Variants in TECRL observed in about 807,000 individuals in gnomAD.
TECRL encodes the protein trans-2,3-enoyl-CoA reductase like.
Under a neutral mutation model 52.8 loss-of-function variants are expected in TECRL, and 63 were observed. The ratio of observed to expected loss-of-function variants is 1.19; its 90% confidence interval spans 0.97 to 1.47. TECRL has a LOEUF of 1.47. Among genes scored for constraint, TECRL ranks in the 40% most tolerant of loss-of-function variants. The pLI, the probability that TECRL is intolerant of heterozygous loss-of-function variation, is 0.00. For synonymous variants in TECRL, 164 were observed against 141.9 expected, an observed-to-expected ratio of 1.16 and a Z score of -1.10; for missense variants, 482 against 429.6, an observed-to-expected ratio of 1.12 and a Z score of -1.08.
intron 6 of TECRL, among the ~76,000 whole-genome samples, chr4:64,305,480 G>A (rs897101977): frequency 1.3e-5 from 2 of 152,154 alleles, no homozygotes; most frequent in African/African-American, 2.4e-5. Flanking sequence ...CAGGCAGAGA[G>A]GGAGGGTCTC....
At chr4:64,384,529 T>C (rs996493365) in intron 1 of TECRL, among the ~76,000 whole-genome samples, 18 of 152,182 alleles carry the variant, frequency 1.2e-4, no homozygotes, top group Admixed American at 8.5e-4. Flanking sequence ...CACTAGACAA[T>C]GTGTGCAGTC....
At chr4:64,344,316 T>C (rs1462780514) in intron 2 of TECRL, among the ~76,000 whole-genome samples, 1 of 152,082 alleles carries the variant, frequency 6.6e-6, no homozygotes, top group Non-Finnish European at 1.5e-5. Flanking sequence ...TCAAATTTTA[T>C]TGATATATGG....
intron 1 of TECRL, among the ~76,000 whole-genome samples, chr4:64,391,539 G>A (rs191836929): frequency 1.3e-5 from 2 of 151,874 alleles, no homozygotes; most frequent in African/African-American, 4.8e-5. Flanking sequence ...GAATCTTTAC[G>A]TCAACTGTGA....
At chr4:64,323,967 A>C (rs991778236) in intron 3 of TECRL, among the ~76,000 whole-genome samples, 7 of 151,822 alleles carry the variant, frequency 4.6e-5, no homozygotes, top group African/African-American at 1.5e-4. Flanking sequence ...TAGATATTTG[A>C]AAGTCATTAA....
Position 64,277,897 on chromosome 4 carries a change from C to T in TECRL, c.*2175G>A, listed in dbSNP as rs928078149. The T allele has an allele frequency of 2.0e-5, 3 of 151,714 alleles. No individual in the cohort carries two copies. Among genetic ancestry groups the T allele is most frequent in the Non-Finnish European group, 3.0e-5 (2 of 67,756 alleles). 9.4% of individuals were successfully genotyped at this position (151,714 alleles called of 1,614,324 possible). On this transcript the variant is annotated 3_prime_UTR_variant, in exon 12 of 12. Transcript: ENST00000381210. ...GCATGCTCACATAGAAACTCATACA[C>T]ACACACACATGCACATAGGCTTTCA... is the stretch of plus-strand genomic sequence containing the variant.
chr4:64,320,809 A>T (rs1342127908), intron 4 of TECRL, among the ~76,000 whole-genome samples: 1 of 152,092 alleles, frequency 6.6e-6, no homozygotes, highest in African/African-American at 2.4e-5. Flanking sequence ...TAGACATCAC[A>T]TTTAAGTACA....
chr4:64,327,528 T>C (rs768503934), intron 3 of TECRL, among the ~76,000 whole-genome samples: 1 of 152,088 alleles, frequency 6.6e-6, no homozygotes, highest in Admixed American at 6.6e-5. Flanking sequence ...AAGGCAAAAG[T>C]AGATGAGACA....
chr4:64,372,486 G>C (rs1201285451), intron 2 of TECRL, among the ~76,000 whole-genome samples: 1 of 151,704 alleles, frequency 6.6e-6, no homozygotes, highest in African/African-American at 2.4e-5. Flanking sequence ...GGCATTACTA[G>C]AGTAAACTAA....
intron 1 of TECRL, among the ~76,000 whole-genome samples, chr4:64,408,753 T>G (rs1724897865): frequency 2.0e-5 from 3 of 152,122 alleles, no homozygotes; most frequent in Admixed American, 2.0e-4. Flanking sequence ...TATGATAATT[T>G]GTATATACAA....
At chr4:64,392,809 TACTATAC>T (rs1723634539) in intron 1 of TECRL, among the ~76,000 whole-genome samples, 1 of 151,974 alleles carries the variant, frequency 6.6e-6, no homozygotes, top group South Asian at 2.1e-4. Flanking sequence ...CTTTATAAGT[TACTATAC>T]ACAACACTTT....
chr4:64,317,939 A>G (rs575544234), intron 4 of TECRL, among the ~76,000 whole-genome samples: 3 of 152,288 alleles, frequency 2.0e-5, no homozygotes, highest in African/African-American at 7.2e-5. Context: ...AAACAAAAAC[A>G]GTTGTTCATC....
chr4:64,404,023 T>C (rs1724544455), intron 1 of TECRL, among the ~76,000 whole-genome samples: 1 of 151,968 alleles, frequency 6.6e-6, no homozygotes, highest in Non-Finnish European at 1.5e-5. Flanking sequence ...AGTATTAAAA[T>C]GGCAATGTCA....
intron 3 of TECRL, among the ~76,000 whole-genome samples, chr4:64,328,225 G>A (rs1440920452): frequency 6.6e-6 from 1 of 151,896 alleles, no homozygotes; most frequent in Non-Finnish European, 1.5e-5. Flanking sequence ...GCAGTAGAAT[G>A]AGAAGGTGAC....
intron 2 of TECRL, among the ~76,000 whole-genome samples, chr4:64,331,580 G>T (rs930926970): frequency 6.6e-6 from 1 of 152,002 alleles, no homozygotes; most frequent in Non-Finnish European, 1.5e-5. Context: ...CTCATAGAAA[G>T]TCACCTAAAT....
intron 1 of TECRL, among the ~76,000 whole-genome samples, chr4:64,398,191 A>G (rs1038657921): frequency 6.6e-6 from 1 of 152,140 alleles, no homozygotes; most frequent in African/African-American, 2.4e-5. Flanking sequence ...GCTCTGTGCC[A>G]TAGCCATTTC....
At chr4:64,388,651 A>T (rs991375443) in intron 1 of TECRL, among the ~76,000 whole-genome samples, 2 of 151,958 alleles carry the variant, frequency 1.3e-5, no homozygotes, top group African/African-American at 4.8e-5. Flanking sequence ...CTTCCTATCC[A>T]CTAACATAAA....
intron 2 of TECRL, among the ~76,000 whole-genome samples, chr4:64,352,779 G>C (rs1017849072): frequency 3.3e-5 from 5 of 152,190 alleles, no homozygotes; most frequent in Non-Finnish European, 7.4e-5. Flanking sequence ...GAAAATATCA[G>C]ATTCAAAGTA....
chr4:64,277,085 C>T, downstream of TECRL: 1 of 1,437,132 alleles, frequency 7.0e-7, no homozygotes, highest in Non-Finnish European at 9.4e-7. Context: ...ATTTAAAAAA[C>T]ACATTTCATA....
rs866876429 is a variant in TECRL, at chr4:64,382,866, C to T, written c.235-7643G>A. ...TGAGTCCCTCCCTTTCTTATTGTGTCTGCTCCACCCATGAGTTTTATACTT... is the reference window on the plus strand; with the variant it reads ...TGAGTCCCTCCCTTTCTTATTGTGTTTGCTCCACCCATGAGTTTTATACTT... On this transcript the variant is annotated intron_variant, in intron 1 of 11. Coordinates refer to ENST00000381210, the MANE Select transcript of TECRL (RefSeq NM_001010874.5). Among the ~76,000 whole-genome samples the T allele has an allele frequency of 2.6e-5, 4 of 151,890 alleles. No individual in the cohort carries two copies. The South Asian group carries it at 8.3e-4, about 32-fold the overall frequency.
Sources: allele counts gnomAD v4.1 joint callset (sites outside exome capture counted in the v4.1 genomes callset), GRCh38; gene constraint gnomAD v4.1.1; transcripts MANE v1.5; gene names NCBI Gene and HGNC (gene_info 2026-07-23, HGNC 2026-07-21).